The following RBMS3 variants were observed in gnomAD, a reference collection of about 807,000 sequenced individuals.
RBMS3 encodes RNA-binding motif, single-stranded-interacting protein 3.
Under a neutral mutation model 66.8 loss-of-function variants are expected in RBMS3, and 27 were observed. The ratio of observed to expected loss-of-function variants is 0.40; its 90% CI spans 0.30 to 0.56. The LOEUF (loss-of-function observed/expected upper bound fraction) is 0.56, where lower values mean the gene tolerates loss of function less well. RBMS3 is among the 20% of genes least tolerant of loss of function. RBMS3 has a pLI of 0.40. For synonymous variants in RBMS3, 188 were observed against 183.0 expected (o/e 1.03, Z -0.22); for missense variants, 513 against 549.5 (o/e 0.93, Z 0.66).
intron 12 of RBMS3, among the ~76,000 whole-genome samples, chr3:29,949,476 C>CA (rs1395957313): frequency 4.0e-5 from 6 of 151,768 alleles, no homozygotes; most frequent in Non-Finnish European, 7.4e-5. Flanking sequence ...TATAGTTTGC[C>CA]TACCCCTGCT....
chr3:29,434,996 T>C (rs2041345484), intron 2 of RBMS3, 81 bp downstream of exon 2: 1 of 1,388,094 alleles, frequency 7.2e-7, no homozygotes, highest in Non-Finnish European at 9.9e-7. Flanking sequence ...TCAGTCAATG[T>C]ACTCATCCAC....
chr3:29,659,839 A>T (rs1019202277), intron 4 of RBMS3, among the ~76,000 whole-genome samples: 1 of 152,124 alleles, frequency 6.6e-6, no homozygotes, highest in African/African-American at 2.4e-5. Context: ...AACACTTTAC[A>T]TTCTCACCAA....
chr3:29,286,152 CG>C (rs968977505), intron 1 of RBMS3, among the ~76,000 whole-genome samples: 1 of 152,016 alleles, frequency 6.6e-6, no homozygotes, highest in Middle Eastern at 3.2e-3. Context: ...TCTTTCGCTT[CG>C]GGGGGTAATA....
At chr3:29,435,851 T>C (rs1002963598) in intron 2 of RBMS3, among the ~76,000 whole-genome samples, 1 of 151,540 alleles carries the variant, frequency 6.6e-6, no homozygotes, top group Non-Finnish European at 1.5e-5. Flanking sequence ...GGCGGGCGCC[T>C]GTAGTCCGAG....
chr3:29,821,643 G>A (rs2058077900), intron 6 of RBMS3, among the ~76,000 whole-genome samples: 1 of 152,148 alleles, frequency 6.6e-6, no homozygotes, highest in Admixed American at 6.6e-5. Context: ...CAGAATATTG[G>A]AATGGTTTCC....
At chr3:29,865,278 TC>T (rs1462525802) in intron 6 of RBMS3, among the ~76,000 whole-genome samples, 156 of 152,236 alleles carry the variant, frequency 1.0e-3, no homozygotes, top group African/African-American at 3.6e-3. Context: ...TAAAGAGAAG[TC>T]ATACTCTAGA....
At chr3:29,783,880 G>T (rs564028844) in intron 6 of RBMS3, among the ~76,000 whole-genome samples, 2 of 152,210 alleles carry the variant, frequency 1.3e-5, no homozygotes, top group East Asian at 1.9e-4. Context: ...GACACCAAAA[G>T]TGAGCAGGAG....
chr3:29,744,860 A>G (rs148857263), intron 5 of RBMS3, among the ~76,000 whole-genome samples: 1 of 151,924 alleles, frequency 6.6e-6, no homozygotes, highest in African/African-American at 2.4e-5. Context: ...ATTGTTGTAC[A>G]TATCTCTTGA....
intron 6 of RBMS3, among the ~76,000 whole-genome samples, chr3:29,800,474 A>T: frequency 6.6e-6 from 1 of 152,340 alleles, no homozygotes; most frequent in South Asian, 2.1e-4. Flanking sequence ...AAAATAATTT[A>T]TGAGATATTT....
chr3:29,598,524 C>T (rs1322826105), intron 4 of RBMS3, among the ~76,000 whole-genome samples: 3 of 151,974 alleles, frequency 2.0e-5, no homozygotes, highest in African/African-American at 7.2e-5. Context: ...ATACAAAAGT[C>T]CTGTTTTTCT....
At position 29,932,113 on chromosome 3, in the gene RBMS3, T is replaced by TTA. The variant is rs549542554; in HGVS notation, c.940-3970_940-3969dup. 1.7e-3 allele frequency among the ~76,000 whole-genome samples: 260 copies of TTA among 152,302 alleles called. 1 individual carries two copies. Among genetic ancestry groups the TTA allele is most frequent in the African/African-American group, 6.0e-3 (250 of 41,574 alleles). On this transcript the variant is annotated intron_variant, in intron 10 of 14. Transcript: ENST00000383767. ...CCAAATATGAAGGATTCCCAATGTG[T>TTA]TATAATAGAAGCCAAACTGATCAAA...
chr3:29,948,814 A>T (rs551961310), intron 12 of RBMS3, among the ~76,000 whole-genome samples: 2 of 151,808 alleles, frequency 1.3e-5, no homozygotes, highest in East Asian at 3.9e-4. Context: ...TTCTTCATTT[A>T]TTCAACTAAT....
At chr3:29,408,218 G>A (rs1470728936) in intron 1 of RBMS3, among the ~76,000 whole-genome samples, 1 of 144,350 alleles carries the variant, frequency 6.9e-6, no homozygotes, top group Admixed American at 7.3e-5. Context: ...CTTGCAGTGA[G>A]CCGAGATTGC....
At chr3:29,836,143 A>G (rs919637263) in intron 6 of RBMS3, among the ~76,000 whole-genome samples, 2 of 152,016 alleles carry the variant, frequency 1.3e-5, no homozygotes, top group African/African-American at 4.8e-5. Flanking sequence ...ATAAAAGAAA[A>G]ACCTATGACC....
chr3:29,456,665 T>C (rs2125771287), intron 2 of RBMS3, among the ~76,000 whole-genome samples: 1 of 152,320 alleles, frequency 6.6e-6, no homozygotes, highest in South Asian at 2.1e-4. Context: ...AAAAAATGGA[T>C]ATTGTATTTC....
At chr3:29,764,326 A>C (rs1468864661) in intron 6 of RBMS3, among the ~76,000 whole-genome samples, 1 of 152,050 alleles carries the variant, frequency 6.6e-6, no homozygotes, top group Non-Finnish European at 1.5e-5. Flanking sequence ...TGTTAAGAAA[A>C]GAGTTAGCAG....
chr3:29,364,552 A>T (rs2037788362), intron 1 of RBMS3, among the ~76,000 whole-genome samples: 1 of 152,188 alleles, frequency 6.6e-6, no homozygotes, highest in African/African-American at 2.4e-5. Flanking sequence ...AGGAATATAT[A>T]TGAAGGTAAC....
intron 1 of RBMS3, among the ~76,000 whole-genome samples, chr3:29,419,491 A>G (rs1325326080): frequency 2.6e-5 from 4 of 152,200 alleles, no homozygotes; most frequent in Non-Finnish European, 5.9e-5. Flanking sequence ...TTACATTATC[A>G]TAAATTTTCT....
intron 3 of RBMS3, among the ~76,000 whole-genome samples, chr3:29,556,890 TG>T (rs2046386381): frequency 6.6e-6 from 1 of 152,116 alleles, no homozygotes; most frequent in Non-Finnish European, 1.5e-5. Flanking sequence ...TGCCTGAATA[TG>T]AAAGCTCAGC....
Sources: gnomAD v4.1 joint callset for allele counts (sites outside exome capture counted in the v4.1 genomes callset) on GRCh38, gnomAD v4.1.1 for gene constraint, MANE v1.5 for transcripts, NCBI Gene and HGNC (gene_info 2026-07-23, HGNC 2026-07-21) for gene names.